Variants in TNFAIP2 observed in about 807,000 individuals in gnomAD.
TNFAIP2 encodes the protein tumor necrosis factor alpha-induced protein 2.
TNFAIP2 carries 47 observed loss-of-function variants against 63.5 expected under a neutral mutation model. That is an observed-to-expected ratio of 0.74 (90% CI 0.59 to 0.94). The LOEUF (loss-of-function observed/expected upper bound fraction) is 0.94, where lower values mean the gene tolerates loss of function less well. TNFAIP2 is among the 40% of genes least tolerant of loss of function. The probability of loss-of-function intolerance (pLI) is 0.00; values close to 1 mark genes in which losing one functional copy is unlikely to be tolerated. For missense variants in TNFAIP2, 787 were observed against 850.2 expected (o/e 0.93, Z 0.92); for synonymous variants, 405 against 390.2 (o/e 1.04, Z -0.45).
chr14:103,133,570 C>T (rs764348372), intron 10 of TNFAIP2, 53 bp downstream of exon 10: 65 of 1,597,622 alleles, frequency 4.1e-5, no homozygotes, highest in Admixed American at 1.4e-4. Flanking sequence ...GCCTCTTCTC[C>T]CCTAGCCCTT....
At chr14:103,126,717 C>T (rs1363985294) in intron 2 of TNFAIP2, 25 bp downstream of exon 2, 2 of 1,554,434 alleles carry the variant, frequency 1.3e-6, no homozygotes. Flanking sequence ...TGGGTTAGAG[C>T]TAGTCTGGGG....
chr14:103,127,707 G>T lies in TNFAIP2; in HGVS notation c.860+78G>T, dbSNP rs1330529727. On this transcript the variant is annotated intron_variant, in intron 3 of 11. Transcript: ENST00000560869. This position sits in a 1 kb window ranked among gnomAD's most constrained non-coding sequence, Gnocchi z 5.1. ...GAGGGGTGTCGAGGGGTGTCGAGGT[G>T]TGCCGCCGGCAGCTTTTAGTGAGGT... is the stretch of plus-strand genomic sequence containing the variant. 1.4e-6 allele frequency: 2 copies of T among 1,391,306 alleles called. No individual in the cohort carries two copies. Among genetic ancestry groups the T allele is most frequent in the Non-Finnish European group, 9.4e-7 (1 of 1,069,060 alleles). 86.2% of individuals were successfully genotyped at this position (1,391,306 alleles called of 1,614,324 possible).
At chr14:103,125,316 G>A (rs1469532885) in intron 1 of TNFAIP2, among the ~76,000 whole-genome samples, 1 of 152,198 alleles carries the variant, frequency 6.6e-6, no homozygotes, top group African/African-American at 2.4e-5. Context: ...TCAGGTGCTG[G>A]GCAGGGACTC....
chr14:103,136,057 T>G lies in TNFAIP2; in HGVS notation c.*697T>G. ...AACTAGAGGGTGGTCCCCCGAGGGCTTGGTGTCTACTACCGAAGGGCCCAA... is the reference window on the plus strand; with the variant it reads ...AACTAGAGGGTGGTCCCCCGAGGGCGTGGTGTCTACTACCGAAGGGCCCAA... On this transcript the variant is annotated 3_prime_UTR_variant, in exon 12 of 12. Coordinates refer to ENST00000560869, the MANE Select transcript of TNFAIP2 (RefSeq NM_006291.4). The G allele has an allele frequency of 1.6e-6, 2 of 1,242,152 alleles. No individual in the cohort carries two copies. Among genetic ancestry groups the G allele is most frequent in the Non-Finnish European group, 2.1e-6 (2 of 965,928 alleles). 76.9% of individuals were successfully genotyped at this position (1,242,152 alleles called of 1,614,324 possible).
chr14:103,127,065 C>T lies in TNFAIP2; in HGVS notation c.296C>T (p.Ala99Val). The T allele has an allele frequency of 8.8e-7, 1 of 1,134,598 alleles. No individual in the cohort carries two copies. Among genetic ancestry groups the T allele is most frequent in the Non-Finnish European group, 1.1e-6 (1 of 926,452 alleles). The allele number at this position is 1,134,598 out of a possible 1,614,324, so 70.3% of individuals were successfully genotyped here. Reference protein sequence around the residue: ...GQLEAARPLLALERELAAAAA... With the variant: ...GQLEAARPLLVLERELAAAAA... Reference sequence around the variant, plus strand: ...CTGGAGGCGGCGCGGCCGCTGCTGGCGCTGGAGCGGGAGCTGGCGGCGGCG... The same window carrying T: ...CTGGAGGCGGCGCGGCCGCTGCTGGTGCTGGAGCGGGAGCTGGCGGCGGCG... Residue 99 changes from alanine to valine, a missense_variant, in exon 3 of 12, where the codon GCG becomes GTG. Ala to Val is a moderately conservative substitution (Grantham distance 64). Around this residue, in one of 3 missense-constraint regions of TNFAIP2, gnomAD observed 258 missense variants for 228.9 expected, o/e 1.13. Coordinates refer to ENST00000560869, the MANE Select transcript of TNFAIP2 (RefSeq NM_006291.4). This position sits in a 1 kb window ranked among gnomAD's most constrained non-coding sequence, Gnocchi z 5.1.
intron 9 of TNFAIP2, 150 bp downstream of exon 9, chr14:103,133,022 A>G: frequency 3.0e-6 from 4 of 1,316,080 alleles, no homozygotes; most frequent in Non-Finnish European, 4.2e-6. Context: ...ACACGTGCAC[A>G]TGTGAACACA....
Position 103,131,759 on chromosome 14 carries a change from G to A in TNFAIP2, c.1419G>A (p.Leu473=). 6.2e-7 allele frequency: 1 copy of A among 1,611,330 alleles called. No homozygotes were observed. Among genetic ancestry groups the A allele is most frequent in the Non-Finnish European group, 8.5e-7 (1 of 1,179,170 alleles). The change falls in exon 8 of 12, where the codon CTG becomes CTA. Residue 473 remains leucine (L), a synonymous_variant. Transcript: ENST00000560869. This position sits in a 1 kb window ranked among gnomAD's most constrained non-coding sequence, Gnocchi z 4.0. ...TGCTCCAGAACCTGCATGAGGACCT[G>A]AAGGTAGCGGGAGCCTCTTGCCCTC... ...DTLLQNLHED[L]KPLFKRFTHT... is the part of the protein sequence containing the mutation.
At chr14:103,128,349 G>A (rs2087904356) in intron 3 of TNFAIP2, among the ~76,000 whole-genome samples, 1 of 152,208 alleles carries the variant, frequency 6.6e-6, no homozygotes, top group Non-Finnish European at 1.5e-5. Context: ...CCTCAGGTGG[G>A]AGGCTGGCTG....
intron 9 of TNFAIP2, among the ~76,000 whole-genome samples, 197 bp from the exon 10 acceptor site, chr14:103,133,165 A>G (rs944001): frequency 0.21 from 31,565 of 152,134 alleles, 4,372 homozygotes; most frequent in African/African-American, 0.41. Context: ...TGAACACGTG[A>G]ACGCATGCAC....
rs773522177 is a variant in TNFAIP2, at chr14:103,135,210, C to T, written c.1824-9C>T. The stretch of plus-strand genomic sequence containing the variant: ...ACAGGCTGGGCTGACAGGATGCTCT[C>T]TTTGCCAGCAAAGGCCACCTGAGCG... On this transcript the variant is annotated splice_polypyrimidine_tract_variant and intron_variant, in intron 11 of 11. Coordinates refer to ENST00000560869, the MANE Select transcript of TNFAIP2 (RefSeq NM_006291.4). This position sits in a 1 kb window ranked among gnomAD's most constrained non-coding sequence, Gnocchi z 7.6. The T allele has an allele frequency of 1.5e-5, 25 of 1,613,746 alleles. No homozygotes were observed. The South Asian group carries it at 2.4e-4, about 16-fold the overall frequency.
chr14:103,128,034 T>G (rs545009093), intron 3 of TNFAIP2, among the ~76,000 whole-genome samples: 66 of 152,210 alleles, frequency 4.3e-4, no homozygotes, highest in African/African-American at 1.5e-3. Context: ...GTGCAGAGCA[T>G]GGGCCCAAAG....
chr14:103,122,403 AAG>A (rs1218301202), upstream of TNFAIP2, among the ~76,000 whole-genome samples: 1 of 152,094 alleles, frequency 6.6e-6, no homozygotes, highest in Non-Finnish European at 1.5e-5. Context: ...GGCCAAACAA[AAG>A]AGGGGAGGAG....
upstream of TNFAIP2, chr14:103,122,928 C>T (rs1891166999): frequency 4.8e-6 from 2 of 419,564 alleles, no homozygotes; most frequent in Admixed American, 5.4e-5. Flanking sequence ...TGCACAGCCG[C>T]GCGGCCAGCA....
Position 103,131,897 on chromosome 14 carries a change from G to A in TNFAIP2, c.1422+135G>A. ...GCTCCAGGCCTGTGGACGGCACCGT[G>A]GGCCAGCTCTGGTGCAGCGGTGATG... On this transcript the variant is annotated intron_variant, in intron 8 of 11. Transcript: ENST00000560869. This position sits in a 1 kb window ranked among gnomAD's most constrained non-coding sequence, Gnocchi z 4.0. 1 of 1,292,318 alleles carries A rather than the reference G, an allele frequency of 7.7e-7. No individual in the cohort carries two copies. The highest frequency in any genetic ancestry group is 1.5e-5 in the South Asian group (1 of 67,232). The allele number at this position is 1,292,318 out of a possible 1,614,324, so 80.1% of individuals were successfully genotyped here. A position where few individuals can be genotyped will look rare whatever the true frequency, so the allele number is the denominator to read the frequency against.
rs201264217 is a variant in TNFAIP2, at chr14:103,133,737, G to T, written c.1757G>T (p.Arg586Leu). ...PALPTLAEIIRLQDPSAIKIE... is the reference protein window; with the variant it reads ...PALPTLAEIILLQDPSAIKIE... The stretch of plus-strand genomic sequence containing the variant: ...CTCCCTACGCTGGCCGAGATCATTC[G>T]CCTGCAGGACCCCAGTGCCATCAAG... The change falls in exon 11 of 12, where the codon CGC (arginine) becomes CTC (leucine). Residue 586 changes from arginine to leucine, a missense_variant. Physicochemically the swap from Arg to Leu is moderately radical, Grantham distance 102. Around this residue, in one of 3 missense-constraint regions of TNFAIP2, gnomAD observed 523 missense variants for 604.1 expected, o/e 0.87. Transcript: ENST00000560869. The T allele has an allele frequency of 2.5e-6, 4 of 1,597,496 alleles. No homozygotes were observed. The highest frequency in any genetic ancestry group is 3.4e-6 in the Non-Finnish European group (4 of 1,176,706).
rs781742001 is a variant in TNFAIP2, at chr14:103,132,755, G to A, written c.1428G>A (p.Leu476=). 9.3e-6 allele frequency: 15 copies of A among 1,612,954 alleles called. No homozygotes were observed. The highest frequency in any genetic ancestry group is 1.1e-5 in the Non-Finnish European group (13 of 1,179,650). The change falls in exon 9 of 12, where the codon CTG becomes CTA. Residue 476 remains leucine (L), a synonymous_variant. Coordinates refer to ENST00000560869, the MANE Select transcript of TNFAIP2 (RefSeq NM_006291.4). ...LQNLHEDLKP[L]FKRFTHTRWA... ...TCCTGCCTCTCCTGTCTCAGCCACT[G>A]TTCAAGAGGTTCACGCACACCCGCT...
At position 103,135,681 on chromosome 14, in the gene TNFAIP2, C is replaced by A; in HGVS notation, c.*321C>A. The stretch of plus-strand genomic sequence containing the variant: ...GGAGAGTGCAGCCAGGCTCAGGGAT[C>A]CCCGGACACCTCTGTCCAGAGCCCC... On this transcript the variant is annotated 3_prime_UTR_variant, in exon 12 of 12. Transcript: ENST00000560869. The surrounding 1 kb of genome is among the most constrained non-coding windows in gnomAD (Gnocchi z 7.6). 8.0e-7 allele frequency: 1 copy of A among 1,250,646 alleles called. No individual in the cohort carries two copies. Among genetic ancestry groups the A allele is most frequent in the African/African-American group, 1.5e-5 (1 of 64,870 alleles). The allele number at this position is 1,250,646 out of a possible 1,614,324, so 77.5% of individuals were successfully genotyped here. A position where few individuals can be genotyped will look rare whatever the true frequency, so the allele number is the denominator to read the frequency against.
In TNFAIP2 at chr14:103,131,380, C is replaced by T. The variant is rs1054718841; in HGVS notation, c.1298+230C>T. Among the ~76,000 whole-genome samples the T allele has an allele frequency of 2.6e-5, 4 of 152,148 alleles. No individual in the cohort carries two copies. The highest frequency in any genetic ancestry group is 7.2e-5 in the African/African-American group (3 of 41,412). On this transcript the variant is annotated intron_variant, in intron 7 of 11. Transcript: ENST00000560869. The surrounding 1 kb of genome is among the most constrained non-coding windows in gnomAD (Gnocchi z 4.0). ...CCCATTATCTTATCCTTAAAGCAAC[C>T]CTGTGAAGTAGGTATAGTGATCTGT... is the stretch of plus-strand genomic sequence containing the variant.
upstream of TNFAIP2, among the ~76,000 whole-genome samples, chr14:103,122,316 G>A (rs759344026): frequency 6.6e-6 from 1 of 152,170 alleles, no homozygotes; most frequent in Non-Finnish European, 1.5e-5. Flanking sequence ...CCCCCACTCC[G>A]CTGGCCCCCC....
Sources: gnomAD v4.1 joint callset for allele counts (sites outside exome capture counted in the v4.1 genomes callset) on GRCh38, gnomAD v4.1.1 for gene constraint, gnomAD v4.1.1 regional missense constraint, Gnocchi (gnomAD v3.1) non-coding constraint, MANE v1.5 for transcripts, NCBI Gene and HGNC (gene_info 2026-07-23, HGNC 2026-07-21) for gene names.